The following TRIO variants were observed in gnomAD, a reference collection of about 807,000 sequenced individuals.
TRIO encodes the protein trio Rho guanine nucleotide exchange factor, also known as triple functional domain protein.
In TRIO, 58 loss-of-function variants were observed where a neutral mutation model predicts 351.9. The observed-to-expected ratio is 0.16, with a 90% CI of 0.13 to 0.21. The LOEUF is 0.21. Among genes scored for constraint, TRIO ranks in the 10% least tolerant of loss-of-function variants. The probability of loss-of-function intolerance (pLI) is 1.00; values close to 1 mark genes in which losing one functional copy is unlikely to be tolerated. For synonymous variants in TRIO, 1,758 were observed against 1,595.7 expected, an observed-to-expected ratio of 1.10 and a Z score of -2.42; for missense variants, 3,201 against 4,027.8, an observed-to-expected ratio of 0.79 and a Z score of 5.56.
At chr5:14,178,611 G>T (rs1441907959) in intron 1 of TRIO, among the ~76,000 whole-genome samples, 1 of 152,210 alleles carries the variant, frequency 6.6e-6, no homozygotes, top group Non-Finnish European at 1.5e-5. Context: ...TGTCTGTCAA[G>T]CTAGGATGTG....
At chr5:14,502,117 C>T (rs139334496) in intron 53 of TRIO, among the ~76,000 whole-genome samples, 1 of 152,070 alleles carries the variant, frequency 6.6e-6, no homozygotes, top group African/African-American at 2.4e-5. Context: ...TGATCTCTCA[C>T]GGCTGTGAAA....
chr5:14,505,456 C>T (rs1388192674), intron 55 of TRIO, among the ~76,000 whole-genome samples: 3 of 152,200 alleles, frequency 2.0e-5, no homozygotes. Flanking sequence ...AAGGGTAAAA[C>T]CTTTTGTCAC....
At chr5:14,196,797 C>T (rs1290614598) in intron 1 of TRIO, among the ~76,000 whole-genome samples, 1 of 152,178 alleles carries the variant, frequency 6.6e-6, no homozygotes, top group Non-Finnish European at 1.5e-5. Flanking sequence ...TGTTAACTGC[C>T]TTCTAATGAC....
rs1334511628 is a variant in TRIO, at chr5:14,487,559, GGCGGGGCCCCCAGTGGCGGCA to G, written c.6936_6956del (p.Ala2313_Gly2319del). ...CGGCGGGGGTGGGGGCAGCGGCGGC[GGCGGGGCCCCCAGTGGCGGCA>G]GCGGCCACAGTGGCGGCCCCAGCAG... is the stretch of plus-strand genomic sequence containing the variant. On this transcript the variant is annotated inframe_deletion, in exon 48 of 57. Coordinates refer to ENST00000344204, the MANE Select transcript of TRIO (RefSeq NM_007118.4). 3.6e-6 allele frequency: 4 copies of G among 1,101,642 alleles called. No individual in the cohort carries two copies. The highest frequency in any genetic ancestry group is 4.5e-6 in the Non-Finnish European group (4 of 896,466). The allele number at this position is 1,101,642 out of a possible 1,614,324, so 68.2% of individuals were successfully genotyped here.
chr5:14,180,100 C>CAAAAAA (rs70964542), intron 1 of TRIO, among the ~76,000 whole-genome samples: 740 of 27,728 alleles, frequency 0.027, 86 homozygotes, highest in Middle Eastern at 0.033. Flanking sequence ...GACTCCTGCT[C>CAAAAAA]AAAAAAAAAA....
intron 4 of TRIO, among the ~76,000 whole-genome samples, chr5:14,289,442 C>T (rs1736720465): frequency 6.6e-6 from 1 of 152,064 alleles, no homozygotes; most frequent in East Asian, 1.9e-4. Context: ...ATTCCAGCTA[C>T]TCAAGAGGCT....
At chr5:14,379,100 T>C (rs1414864848) in intron 20 of TRIO, among the ~76,000 whole-genome samples, 2 of 152,054 alleles carry the variant, frequency 1.3e-5, no homozygotes, top group Admixed American at 1.3e-4. Flanking sequence ...ATTTGGGGGG[T>C]CTGGAGGGAA....
At chr5:14,251,729 T>C (rs146576558) in intron 1 of TRIO, among the ~76,000 whole-genome samples, 2,074 of 152,244 alleles carry the variant, frequency 0.014, 56 homozygotes, top group African/African-American at 0.046. Context: ...GTGGGAACAA[T>C]TGGGGCCTTG....
At chr5:14,221,214 G>A (rs1341119902) in intron 1 of TRIO, among the ~76,000 whole-genome samples, 1 of 152,060 alleles carries the variant, frequency 6.6e-6, no homozygotes, top group Non-Finnish European at 1.5e-5. Context: ...GAGACCTATT[G>A]CTCAGGAAAA....
chr5:14,212,486 T>C (rs1361912320), intron 1 of TRIO, among the ~76,000 whole-genome samples: 1 of 152,170 alleles, frequency 6.6e-6, no homozygotes, highest in Admixed American at 6.5e-5. Context: ...GCTGCTTTCA[T>C]TGAACCTCAG....
chr5:14,318,633 T>C (rs1187127208), intron 9 of TRIO, among the ~76,000 whole-genome samples: 1 of 152,234 alleles, frequency 6.6e-6, no homozygotes, highest in Non-Finnish European at 1.5e-5. Flanking sequence ...AGAAGATAAT[T>C]GCCAGAGAAA....
At chr5:14,392,220 G>A (rs1747142523) in intron 27 of TRIO, among the ~76,000 whole-genome samples, 2 of 148,428 alleles carry the variant, frequency 1.3e-5, no homozygotes, top group Non-Finnish European at 3.0e-5. Flanking sequence ...AATCTACAAT[G>A]AACTTAAACA....
At chr5:14,147,454 G>T (rs1042366317) in intron 1 of TRIO, among the ~76,000 whole-genome samples, 1 of 152,092 alleles carries the variant, frequency 6.6e-6, no homozygotes, top group Admixed American at 6.5e-5. Flanking sequence ...TTGTGAGAGC[G>T]TGTGTGTGTG....
chr5:14,158,916 TTGAG>T (rs1399423049), intron 1 of TRIO, among the ~76,000 whole-genome samples: 1 of 152,252 alleles, frequency 6.6e-6, no homozygotes, highest in Non-Finnish European at 1.5e-5. Flanking sequence ...GCTTCAGTTA[TTGAG>T]TGTTTACTAT....
intron 1 of TRIO, among the ~76,000 whole-genome samples, chr5:14,228,837 C>T (rs1382039662): frequency 1.3e-5 from 2 of 152,144 alleles, no homozygotes; most frequent in African/African-American, 2.4e-5. Flanking sequence ...TGCCACTGCA[C>T]TCCAGCCTGG....
Position 14,471,354 on chromosome 5 carries a change from C to G in TRIO, c.5800C>G (p.Gln1934Glu). 6.2e-7 allele frequency: 1 copy of G among 1,614,046 alleles called. No homozygotes were observed. The highest frequency in any genetic ancestry group is 1.1e-5 in the South Asian group (1 of 91,040). ...TCGCCCCAGCTCACTCCTTGTTGAC[C>G]AGGGAGATAGTAGCAGCCCTTCCTT... ...EDRPSSLLVDQGDSSSPSFNP... is the reference protein window; with the variant it reads ...EDRPSSLLVDEGDSSSPSFNP... The change falls in exon 38 of 57, where the codon CAG becomes GAG. Residue 1934 changes from glutamine (Q) to glutamate (E), a missense_variant. Transcript: ENST00000344204.
chr5:14,411,084 C>T (rs1048063595), intron 33 of TRIO, among the ~76,000 whole-genome samples: 2 of 152,174 alleles, frequency 1.3e-5, no homozygotes, highest in African/African-American at 4.8e-5. Flanking sequence ...GAGCGCTGAG[C>T]CGGGCCTGGG....
chr5:14,265,560 C>G (rs1795624556), intron 1 of TRIO, among the ~76,000 whole-genome samples: 1 of 152,070 alleles, frequency 6.6e-6, no homozygotes, highest in South Asian at 2.1e-4. Context: ...TTCTAGGGTG[C>G]TTTTTATTAT....
intron 13 of TRIO, among the ~76,000 whole-genome samples, chr5:14,362,390 C>T (rs915832064): frequency 5.9e-5 from 9 of 152,152 alleles, no homozygotes; most frequent in Admixed American, 5.9e-4. Flanking sequence ...CGACTCCCAG[C>T]GTGTTCGGAT....
Sources: gnomAD v4.1 joint callset for allele counts (sites outside exome capture counted in the v4.1 genomes callset) on GRCh38, gnomAD v4.1.1 for gene constraint, MANE v1.5 for transcripts, NCBI Gene and HGNC (gene_info 2026-07-23, HGNC 2026-07-21) for gene names.